Variants in LINGO2 observed in about 807,000 individuals in gnomAD.
The protein encoded by LINGO2 is leucine rich repeat and Ig domain containing 2.
LINGO2 carries 14 observed loss-of-function variants against 30.6 expected under a neutral mutation model. The observed-to-expected ratio is 0.46, with a 90% CI of 0.30 to 0.72. The LOEUF is 0.72. Among genes scored for constraint, LINGO2 ranks in the 30% least tolerant of loss-of-function variants. The probability of loss-of-function intolerance (pLI) is 0.07; values close to 1 mark genes in which losing one functional copy is unlikely to be tolerated. For missense variants in LINGO2, 729 were observed against 751.7 expected, an observed-to-expected ratio of 0.97 and a Z score of 0.35; for synonymous variants, 317 against 288.5, an observed-to-expected ratio of 1.10 and a Z score of -1.00.
intron 4 of LINGO2, among the ~76,000 whole-genome samples, chr9:28,236,747 G>A (rs934999563): frequency 6.6e-6 from 1 of 152,092 alleles, no homozygotes; most frequent in Non-Finnish European, 1.5e-5. Context: ...AGGGTAGTAG[G>A]GGGTGTAGGA....
intron 1 of LINGO2, among the ~76,000 whole-genome samples, chr9:28,611,318 A>G (rs1021630622): frequency 1.3e-5 from 2 of 152,064 alleles, no homozygotes; most frequent in African/African-American, 4.8e-5. Context: ...AATCAAGCTA[A>G]TTAACATCCA....
At chr9:28,119,590 A>C (rs986610126) in intron 4 of LINGO2, among the ~76,000 whole-genome samples, 3 of 152,326 alleles carry the variant, frequency 2.0e-5, no homozygotes, top group Admixed American at 1.3e-4. Context: ...TCAGTGACTA[A>C]CAGCTCTTAT....
chr9:28,974,341 G>A, the LINGO2 span, among the ~76,000 whole-genome samples: 2 of 152,154 alleles, frequency 1.3e-5, no homozygotes, highest in Admixed American at 6.5e-5. Flanking sequence ...GGTAGGTGGA[G>A]GTTGCAGTGA....
At chr9:28,652,714 A>G (rs1383042801) in intron 1 of LINGO2, among the ~76,000 whole-genome samples, 1 of 151,956 alleles carries the variant, frequency 6.6e-6, no homozygotes, top group Non-Finnish European at 1.5e-5. Context: ...ATCCCAGAAA[A>G]AAAAAGGAAA....
At chr9:28,992,551 C>G in the LINGO2 span, among the ~76,000 whole-genome samples, 1 of 152,106 alleles carries the variant, frequency 6.6e-6, no homozygotes, top group Non-Finnish European at 1.5e-5. Context: ...CCCAAATCAA[C>G]AGAATATATA....
At chr9:28,575,789 T>G (rs1587894265) in intron 1 of LINGO2, among the ~76,000 whole-genome samples, 1 of 152,168 alleles carries the variant, frequency 6.6e-6, no homozygotes, top group East Asian at 1.9e-4. Flanking sequence ...TAGAATTATC[T>G]TCTGTACCAT....
chr9:28,866,218 C>T, the LINGO2 span, among the ~76,000 whole-genome samples: 4 of 152,086 alleles, frequency 2.6e-5, no homozygotes, highest in Non-Finnish European at 5.9e-5. Flanking sequence ...TTAGAAAACA[C>T]CATTTTTTCA....
chr9:28,264,372 C>A (rs185312329), intron 4 of LINGO2, among the ~76,000 whole-genome samples: 42 of 152,002 alleles, frequency 2.8e-4, no homozygotes, highest in Admixed American at 1.6e-3. Context: ...GGTATCTGTA[C>A]ATAAAAATAT....
chr9:28,982,344 G>C, the LINGO2 span, among the ~76,000 whole-genome samples: 1 of 152,006 alleles, frequency 6.6e-6, no homozygotes, highest in African/African-American at 2.4e-5. Flanking sequence ...GTAGAAAATG[G>C]AGGGAGATGC....
intron 1 of LINGO2, among the ~76,000 whole-genome samples, chr9:28,571,301 G>C (rs1446251150): frequency 6.6e-6 from 1 of 151,958 alleles, no homozygotes. Flanking sequence ...GTCTTTCAGA[G>C]GCTTGTACTT....
chr9:28,593,366 T>C (rs578008495), intron 1 of LINGO2, among the ~76,000 whole-genome samples: 1 of 152,244 alleles, frequency 6.6e-6, no homozygotes, highest in East Asian at 1.9e-4. Context: ...TAAATGAGGA[T>C]ACTCTAGTTA....
intron 4 of LINGO2, among the ~76,000 whole-genome samples, chr9:28,070,490 A>T (rs1371179145): frequency 1.3e-5 from 2 of 152,192 alleles, no homozygotes; most frequent in East Asian, 3.9e-4. Flanking sequence ...TCCTGCCTTA[A>T]ATCCCAGGAT....
chr9:28,385,236 T>C (rs1260841575), intron 2 of LINGO2, among the ~76,000 whole-genome samples: 1 of 152,130 alleles, frequency 6.6e-6, no homozygotes, highest in Non-Finnish European at 1.5e-5. Flanking sequence ...TAATCTCTAT[T>C]CCTGTAGCAT....
intron 5 of LINGO2, among the ~76,000 whole-genome samples, chr9:27,961,241 T>A (rs1819830075): frequency 6.6e-6 from 1 of 152,212 alleles, no homozygotes; most frequent in Non-Finnish European, 1.5e-5. Flanking sequence ...TGTAATGATA[T>A]CTTCAACTTG....
intron 4 of LINGO2, among the ~76,000 whole-genome samples, chr9:28,088,913 T>A (rs958435120): frequency 6.6e-6 from 1 of 152,058 alleles, no homozygotes; most frequent in Non-Finnish European, 1.5e-5. Flanking sequence ...GGGGTTCCAA[T>A]CCTAGTCTCT....
the LINGO2 span, among the ~76,000 whole-genome samples, chr9:28,881,893 G>A: frequency 6.6e-6 from 1 of 152,182 alleles, no homozygotes; most frequent in Non-Finnish European, 1.5e-5. Flanking sequence ...TTATAAGCGA[G>A]AACATGCAAT....
At chr9:28,943,642 T>C in the LINGO2 span, among the ~76,000 whole-genome samples, 308 of 152,268 alleles carry the variant, frequency 2.0e-3, 2 homozygotes, top group African/African-American at 6.1e-3. Context: ...GTCTTCACAA[T>C]GCACATGCAT....
In LINGO2 at chr9:28,290,484, G is replaced by C. The variant is rs10968439; in HGVS notation, c.-87+4724C>G. Among the ~76,000 whole-genome samples, 2,377 of 152,278 alleles carry C rather than the reference G, an allele frequency of 0.016. 141 individuals carry two copies. The East Asian group carries it at 0.19, about 12-fold the overall frequency. ...CAGGGGACTCAGTCTAGGTCCTTCTGCTCGCTGCACAGAAAGCCAATCACT... is the reference window on the plus strand; with the variant it reads ...CAGGGGACTCAGTCTAGGTCCTTCTCCTCGCTGCACAGAAAGCCAATCACT... On this transcript the variant is annotated intron_variant, in intron 4 of 5. Transcript: ENST00000379992.
chr9:28,556,467 C>G (rs1397513156), intron 1 of LINGO2, among the ~76,000 whole-genome samples: 1 of 152,082 alleles, frequency 6.6e-6, no homozygotes, highest in South Asian at 2.1e-4. Flanking sequence ...TCAAAGAGAA[C>G]GACAAACCAC....
Sources: allele counts gnomAD v4.1 joint callset (sites outside exome capture counted in the v4.1 genomes callset), GRCh38; gene constraint gnomAD v4.1.1; transcripts MANE v1.5; gene names NCBI Gene and HGNC (gene_info 2026-07-23, HGNC 2026-07-21).